Variants in DPY19L4 observed in about 807,000 individuals in gnomAD.
DPY19L4 encodes dpy-19 like 4.
Under a neutral mutation model 102.8 loss-of-function variants are expected in DPY19L4, and 97 were observed. The ratio of observed to expected loss-of-function variants is 0.94; its 90% CI spans 0.80 to 1.12. The LOEUF (loss-of-function observed/expected upper bound fraction) is 1.12, where lower values mean the gene tolerates loss of function less well. Ranked by LOEUF, DPY19L4 falls within the 50% of genes most tolerant of loss-of-function variation. The probability of loss-of-function intolerance (pLI) is 0.00; values close to 1 mark genes in which losing one functional copy is unlikely to be tolerated. For missense variants in DPY19L4, 815 were observed against 850.4 expected (o/e 0.96, Z 0.52); for synonymous variants, 252 against 283.1 (o/e 0.89, Z 1.10).
intron 15 of DPY19L4, among the ~76,000 whole-genome samples, chr8:94,780,826 G>A (rs1369924488): frequency 2.0e-5 from 3 of 151,820 alleles, no homozygotes; most frequent in African/African-American, 7.3e-5. Flanking sequence ...ATTATTGTTT[G>A]GTAATGATAA....
At chr8:94,733,064 T>C (rs573668950) in intron 2 of DPY19L4, among the ~76,000 whole-genome samples, 1 of 150,278 alleles carries the variant, frequency 6.7e-6, no homozygotes, top group East Asian at 2.0e-4. Context: ...TCTGCCTGCC[T>C]CTGGAAGTTT....
At chr8:94,769,995 C>A (rs1489513180) in intron 12 of DPY19L4, among the ~76,000 whole-genome samples, 1 of 149,888 alleles carries the variant, frequency 6.7e-6, no homozygotes, top group Non-Finnish European at 1.5e-5. Flanking sequence ...TCAAGCGATT[C>A]TCTTGCCTCA....
chr8:94,721,150 T>G (rs1205503598), intron 1 of DPY19L4, among the ~76,000 whole-genome samples: 6 of 152,334 alleles, frequency 3.9e-5, no homozygotes, highest in Non-Finnish European at 7.4e-5. Context: ...TTCTCCATGT[T>G]GGTCAGGCTG....
At chr8:94,786,858 T>C (rs1167279400) in intron 17 of DPY19L4, among the ~76,000 whole-genome samples, 1 of 152,144 alleles carries the variant, frequency 6.6e-6, no homozygotes, top group Non-Finnish European at 1.5e-5. Context: ...AACCATATCA[T>C]TTAAATTACA....
Position 94,781,156 on chromosome 8 carries a change from A to T in DPY19L4, c.1705A>T (p.Thr569Ser). The T allele has an allele frequency of 6.3e-7, 1 of 1,594,424 alleles. No individual in the cohort carries two copies. The highest frequency in any genetic ancestry group is 1.2e-5 in the South Asian group (1 of 85,264). Reference protein sequence around the residue: ...FYDPDTVELMTWIKRQAPVAA... With the variant: ...FYDPDTVELMSWIKRQAPVAA... ...TGACCCAGATACAGTGGAACTTATG[A>T]CCTGGATAAAGTAAGGATTGAAGTG... Residue 569 changes from threonine to serine, a missense_variant, in exon 16 of 19, where the codon ACC (threonine) becomes TCC (serine). By Grantham distance (58) the Thr-to-Ser change is moderately conservative. Coordinates refer to ENST00000414645, the MANE Select transcript of DPY19L4 (RefSeq NM_181787.3).
intron 13 of DPY19L4, among the ~76,000 whole-genome samples, chr8:94,774,919 A>G (rs1813107550): frequency 6.6e-6 from 1 of 151,982 alleles, no homozygotes; most frequent in Non-Finnish European, 1.5e-5. Context: ...TAGATACCTC[A>G]TGTAAGTGGA....
intron 6 of DPY19L4, among the ~76,000 whole-genome samples, chr8:94,751,810 T>C (rs1811945099): frequency 6.6e-6 from 1 of 152,116 alleles, no homozygotes. Context: ...TCAGTCTCTA[T>C]AGATTAGTTT....
Position 94,739,496 on chromosome 8 carries a change from C to T in DPY19L4, c.427C>T (p.Leu143Phe), listed in dbSNP as rs149228791. The change falls in exon 5 of 19, where the codon CTT becomes TTT. Residue 143 changes from leucine (L) to phenylalanine (F), a missense_variant. By Grantham distance (22) the Leu-to-Phe change is conservative. Coordinates refer to ENST00000414645, the MANE Select transcript of DPY19L4 (RefSeq NM_181787.3). Reference protein sequence around the residue: ...AVQQMSLYPELIASILYQATG... With the variant: ...AVQQMSLYPEFIASILYQATG... ...GCAGCAAATGTCTCTGTATCCGGAA[C>T]TTATTGCTAGCATTTTATATCAAGC... The T allele has an allele frequency of 7.8e-4, 1,247 of 1,607,880 alleles. 5 individuals carry two copies. In the East Asian group the frequency reaches 8.8e-3, roughly 11 times the overall value.
intron 1 of DPY19L4, 138 bp downstream of exon 1, chr8:94,720,152 G>C: frequency 7.2e-7 from 1 of 1,381,998 alleles, no homozygotes; most frequent in Non-Finnish European, 9.4e-7. Flanking sequence ...GGGAAGGAGC[G>C]CGGCGCCCAG....
At chr8:94,767,229 T>C (rs541031462) in intron 11 of DPY19L4, among the ~76,000 whole-genome samples, 103 of 151,996 alleles carry the variant, frequency 6.8e-4, no homozygotes, top group South Asian at 1.7e-3. Flanking sequence ...GGCTAGGGAT[T>C]GAGGATTGGA....
chr8:94,771,695 G>C (rs566071848), intron 13 of DPY19L4, among the ~76,000 whole-genome samples: 1 of 152,218 alleles, frequency 6.6e-6, no homozygotes, highest in Non-Finnish European at 1.5e-5. Context: ...AGAGGGAATG[G>C]CATATGCCCA....
At chr8:94,783,047 AG>A (rs1194562502) in intron 16 of DPY19L4, among the ~76,000 whole-genome samples, 2 of 152,222 alleles carry the variant, frequency 1.3e-5, no homozygotes, top group African/African-American at 4.8e-5. Flanking sequence ...TGGCGCATAG[AG>A]GTGGGTGCTT....
At chr8:94,728,470 G>GA (rs757757752) in intron 2 of DPY19L4, among the ~76,000 whole-genome samples, 5 of 152,174 alleles carry the variant, frequency 3.3e-5, no homozygotes, top group Non-Finnish European at 7.3e-5. Context: ...TGGGTTTGGA[G>GA]AATGTGTCAT....
At chr8:94,776,364 T>A (rs962564128) in intron 13 of DPY19L4, among the ~76,000 whole-genome samples, 16 of 151,972 alleles carry the variant, frequency 1.1e-4, no homozygotes, top group Non-Finnish European at 2.2e-4. Context: ...AGACGAGGTT[T>A]CACCATGTTG....
intron 1 of DPY19L4, among the ~76,000 whole-genome samples, chr8:94,724,770 T>G (rs547184052): frequency 1.3e-5 from 2 of 152,272 alleles, no homozygotes; most frequent in East Asian, 3.9e-4. Flanking sequence ...CTATTTTTAG[T>G]AGAGACAGGG....
chr8:94,747,554 C>CTTTTTT (rs1012621845), intron 6 of DPY19L4, among the ~76,000 whole-genome samples: 11 of 105,490 alleles, frequency 1.0e-4, no homozygotes, highest in Admixed American at 1.0e-4. Context: ...TATGATGGTT[C>CTTTTTT]TTTTTTTTTT....
rs774849537 is a variant in DPY19L4, at chr8:94,761,838, T to A, written c.870+4T>A. Reference sequence around the variant, plus strand: ...TTCAGTGGAGCAAAGTGACAAGGTATTATGGCATTTTGAAATGGTGATTTT... The same window carrying A: ...TTCAGTGGAGCAAAGTGACAAGGTAATATGGCATTTTGAAATGGTGATTTT... On this transcript the variant is annotated splice_donor_region_variant and intron_variant, in intron 8 of 18. Transcript: ENST00000414645. 6.3e-7 allele frequency: 1 copy of A among 1,591,516 alleles called. No homozygotes were observed. The highest frequency in any genetic ancestry group is 8.5e-7 in the Non-Finnish European group (1 of 1,172,990).
chr8:94,747,458 G>A (rs1811725570), intron 6 of DPY19L4, among the ~76,000 whole-genome samples: 1 of 151,324 alleles, frequency 6.6e-6, no homozygotes, highest in Non-Finnish European at 1.5e-5. Context: ...CCAACTAGAT[G>A]TTAACACCAC....
chr8:94,768,523 C>A lies in DPY19L4; in HGVS notation c.1304C>A (p.Ser435Tyr). ...YILVLIICFL[S>Y]MLQVIFRRIN... ...CTAGTGTTAATTATTTGTTTTCTTT[C>A]TATGTTGCAAGTTATTTTTAGGAGG... Residue 435 changes from serine (S) to tyrosine (Y), a missense_variant, in exon 12 of 19, where the codon TCT becomes TAT. Ser to Tyr is a moderately radical substitution (Grantham distance 144, BLOSUM62 -2). Transcript: ENST00000414645. 1 of 1,555,048 alleles carries A rather than the reference C, an allele frequency of 6.4e-7. No homozygotes were observed. Among genetic ancestry groups the A allele is most frequent in the Non-Finnish European group, 8.8e-7 (1 of 1,138,334 alleles).
Sources: gnomAD v4.1 joint callset for allele counts (sites outside exome capture counted in the v4.1 genomes callset) on GRCh38, gnomAD v4.1.1 for gene constraint, MANE v1.5 for transcripts, NCBI Gene and HGNC (gene_info 2026-07-23, HGNC 2026-07-21) for gene names.